Variants in SMC6 observed in about 807,000 individuals in gnomAD.
SMC6 encodes the protein structural maintenance of chromosomes protein 6.
A neutral mutation model predicts 142.2 loss-of-function variants in SMC6; 79 were observed. The ratio of observed to expected loss-of-function variants is 0.56; its 90% CI spans 0.46 to 0.67. The LOEUF is 0.67. Ranked by LOEUF, SMC6 falls within the 30% of genes least tolerant of loss-of-function variation. The pLI is 0.00. For missense variants in SMC6, 1,072 were observed against 1,284.0 expected (o/e 0.83, Z 2.52); for synonymous variants, 411 against 412.4 (o/e 1.00, Z 0.04).
At chr2:17,667,458 G>A (rs551812447) in intron 26 of SMC6, among the ~76,000 whole-genome samples, 50 of 152,328 alleles carry the variant, frequency 3.3e-4, no homozygotes, top group Admixed American at 8.5e-4. Context: ...TTAAGTAACA[G>A]TAAAAGAAAA....
chr2:17,701,795 A>T, intron 20 of SMC6, 34 bp downstream of exon 20: 1 of 1,314,926 alleles, frequency 7.6e-7, no homozygotes, highest in Middle Eastern at 1.9e-4. Flanking sequence ...TTTACCCTTT[A>T]ATATTACATT....
At chr2:17,693,003 G>A (rs906851151) in intron 23 of SMC6, among the ~76,000 whole-genome samples, 1 of 152,162 alleles carries the variant, frequency 6.6e-6, no homozygotes, top group Non-Finnish European at 1.5e-5. Context: ...AAACCACAAT[G>A]AGACACCATC....
At chr2:17,718,816 G>A (rs1025823221) in intron 11 of SMC6, among the ~76,000 whole-genome samples, 1 of 152,100 alleles carries the variant, frequency 6.6e-6, no homozygotes, top group Non-Finnish European at 1.5e-5. Context: ...GAAGGGCCTC[G>A]CATTCTACAA....
chr2:17,705,975 T>C (rs1383323587), intron 18 of SMC6, among the ~76,000 whole-genome samples: 26 of 152,288 alleles, frequency 1.7e-4, no homozygotes, highest in East Asian at 1.9e-4. Flanking sequence ...TCCACAGCAC[T>C]GATCACCACC....
chr2:17,699,506 T>C (rs1668169258), intron 21 of SMC6, among the ~76,000 whole-genome samples: 1 of 152,182 alleles, frequency 6.6e-6, no homozygotes, highest in African/African-American at 2.4e-5. Flanking sequence ...GGGAAGTGTT[T>C]AGCCATTACT....
chr2:17,709,762 C>T (rs1053191398), intron 16 of SMC6, among the ~76,000 whole-genome samples: 1 of 151,868 alleles, frequency 6.6e-6, no homozygotes, highest in Non-Finnish European at 1.5e-5. Flanking sequence ...TTTTTACACA[C>T]ACAAAAAAAG....
At chr2:17,747,584 C>T (rs1382095433) in intron 2 of SMC6, among the ~76,000 whole-genome samples, 6 of 150,074 alleles carry the variant, frequency 4.0e-5, no homozygotes, top group African/African-American at 7.4e-5. Flanking sequence ...CAGCTCACTG[C>T]AACCTCCACC....
At chr2:17,683,253 A>T (rs1667311203) in intron 24 of SMC6, among the ~76,000 whole-genome samples, 1 of 152,206 alleles carries the variant, frequency 6.6e-6, no homozygotes. Flanking sequence ...ACATTCATGG[A>T]GCTACGTCAT....
chr2:17,670,610 T>G, intron 25 of SMC6, 35 bp from the exon 26 acceptor site: 2 of 1,492,864 alleles, frequency 1.3e-6, no homozygotes, highest in Non-Finnish European at 8.9e-7. Context: ...AACAAAAAAC[T>G]AAGTAAATGA....
At chr2:17,713,227 CATT>C (rs1668916126) in intron 16 of SMC6, among the ~76,000 whole-genome samples, 1 of 152,178 alleles carries the variant, frequency 6.6e-6, no homozygotes, top group Admixed American at 6.5e-5. Flanking sequence ...TCTAAAGAAA[CATT>C]ATTAGTGAAA....
chr2:17,725,675 G>A (rs377351865), intron 8 of SMC6, among the ~76,000 whole-genome samples: 34 of 152,230 alleles, frequency 2.2e-4, no homozygotes, highest in East Asian at 2.1e-3. Context: ...GAAAAGACTG[G>A]CATCGTTGGT....
intron 20 of SMC6, among the ~76,000 whole-genome samples, chr2:17,700,781 C>T (rs1668232047): frequency 1.3e-5 from 2 of 152,002 alleles, no homozygotes. Context: ...CGTGTAATCC[C>T]AGCACTTTGG....
Position 17,716,774 on chromosome 2 carries a change from A to ATG in SMC6, c.1311_1312dup (p.Ile438ThrfsTer2). 1 of 1,611,914 alleles carries ATG rather than the reference A, an allele frequency of 6.2e-7. No individual in the cohort carries two copies. The highest frequency in any genetic ancestry group is 8.5e-7 in the Non-Finnish European group (1 of 1,179,410). On this transcript the variant is annotated frameshift_variant, in exon 14 of 28. Transcript: ENST00000448223. LOFTEE classifies it high-confidence loss of function. ...GCCATGTTCTTCTTTGTCCTTTTCT[A>ATG]TGGCTTGCTGAAACTGTTCGATCTC...
At chr2:17,723,115 G>C (rs554244567) in intron 9 of SMC6, among the ~76,000 whole-genome samples, 19 of 151,788 alleles carry the variant, frequency 1.3e-4, no homozygotes, top group African/African-American at 4.6e-4. Context: ...AGGTCATTCA[G>C]TCACCTTTGA....
intron 22 of SMC6, among the ~76,000 whole-genome samples, chr2:17,696,056 C>A (rs1311080727): frequency 6.6e-6 from 1 of 152,166 alleles, no homozygotes; most frequent in Non-Finnish European, 1.5e-5. Flanking sequence ...GCGCTACTTT[C>A]TAAAGCACTC....
intron 22 of SMC6, 117 bp from the exon 23 acceptor site, chr2:17,695,414 T>A: frequency 1.4e-6 from 1 of 703,924 alleles, no homozygotes; most frequent in Non-Finnish European, 2.3e-6. Flanking sequence ...AAATGTATTT[T>A]AATTACATTT....
intron 2 of SMC6, 29 bp downstream of exon 2, chr2:17,752,949 G>T (rs1671134832): frequency 2.3e-6 from 2 of 885,426 alleles, no homozygotes; most frequent in Non-Finnish European, 2.7e-6. Context: ...AACACCAAAT[G>T]ATTGCTCTAA....
intron 15 of SMC6, 34 bp from the exon 16 acceptor site, chr2:17,715,099 A>G: frequency 3.1e-6 from 5 of 1,588,810 alleles, no homozygotes; most frequent in Non-Finnish European, 4.3e-6. Flanking sequence ...AAGGGCTCAT[A>G]AATACTTATT....
At chr2:17,697,904 C>T (rs1260209052) in intron 21 of SMC6, among the ~76,000 whole-genome samples, 1 of 152,136 alleles carries the variant, frequency 6.6e-6, no homozygotes, top group African/African-American at 2.4e-5. Context: ...AGCAGCAGCA[C>T]CCAAATGTCC....
Sources: gnomAD v4.1 joint callset for allele counts (sites outside exome capture counted in the v4.1 genomes callset) on GRCh38, gnomAD v4.1.1 for gene constraint, MANE v1.5 for transcripts, NCBI Gene and HGNC (gene_info 2026-07-23, HGNC 2026-07-21) for gene names.